The following PPP2R2C variants were observed in gnomAD, a reference collection of about 807,000 sequenced individuals.
The protein encoded by PPP2R2C is protein phosphatase 2, regulatory subunit B, gamma.
PPP2R2C carries 10 observed loss-of-function variants against 45.3 expected under a neutral mutation model. The observed-to-expected ratio is 0.22, with a 90% CI of 0.14 to 0.37. The LOEUF (loss-of-function observed/expected upper bound fraction) is 0.37. PPP2R2C is among the 10% of genes least tolerant of loss of function. The pLI is 1.00. For synonymous variants in PPP2R2C, 257 were observed against 245.4 expected, an observed-to-expected ratio of 1.05 and a Z score of -0.44; for missense variants, 308 against 619.7, an observed-to-expected ratio of 0.50 and a Z score of 5.34.
intron 1 of PPP2R2C, among the ~76,000 whole-genome samples, chr4:6,445,853 G>C (rs902001622): frequency 1.3e-5 from 2 of 152,182 alleles, no homozygotes; most frequent in Admixed American, 6.5e-5. Context: ...GGAGGGCTGG[G>C]GTCCTCAGCC....
chr4:6,509,159 T>C (rs1723342352), intron 2 of PPP2R2C, among the ~76,000 whole-genome samples: 1 of 152,222 alleles, frequency 6.6e-6, no homozygotes, highest in Non-Finnish European at 1.5e-5. Flanking sequence ...TTAAAACAGC[T>C]TGAACTTCTC....
intron 2 of PPP2R2C, among the ~76,000 whole-genome samples, chr4:6,530,855 T>C (rs1052374939): frequency 7.9e-5 from 12 of 152,328 alleles, no homozygotes; most frequent in African/African-American, 2.4e-4. Flanking sequence ...TCTGGCCCTT[T>C]CTACAGGCGC....
rs944341314 is a variant in PPP2R2C, at chr4:6,345,042, C to G, written c.790+2804G>C. Among the ~76,000 whole-genome samples, 3 of 152,182 alleles carry G rather than the reference C, an allele frequency of 2.0e-5. No individual in the cohort carries two copies. The highest frequency in any genetic ancestry group is 6.5e-5 in the Admixed American group (1 of 15,276). ...TCCAGAAAAAGAAACAAAAAGCTGC[C>G]TCACTCATTTCAGAAGAGTTGAATA... is the stretch of plus-strand genomic sequence containing the variant. On this transcript the variant is annotated intron_variant, in intron 6 of 8. Transcript: ENST00000382599. This position sits in a 1 kb window ranked among gnomAD's most constrained non-coding sequence, Gnocchi z 5.3.
upstream of PPP2R2C, among the ~76,000 whole-genome samples, chr4:6,472,663 G>A (rs1183446950): frequency 2.7e-5 from 4 of 149,894 alleles, no homozygotes; most frequent in Admixed American, 6.6e-5. Context: ...CCCCTCCCTC[G>A]CGCCGCCCGC....
intron 1 of PPP2R2C, among the ~76,000 whole-genome samples, chr4:6,557,247 T>C (rs758828648): frequency 2.0e-5 from 3 of 152,198 alleles, no homozygotes; most frequent in Non-Finnish European, 4.4e-5. Context: ...GAACCACTCA[T>C]TGGTGTTATC....
intron 1 of PPP2R2C, among the ~76,000 whole-genome samples, chr4:6,428,182 C>G (rs752444360): frequency 5.3e-5 from 8 of 152,214 alleles, no homozygotes; most frequent in Non-Finnish European, 1.5e-5. Flanking sequence ...AAGATCAAGA[C>G]TGTTTGGTGG....
chr4:6,405,854 G>A lies in PPP2R2C; in HGVS notation c.71-24760C>T, dbSNP rs550047652. ...ACGGCTTCGCGGAGGGGCAGGGGGA[G>A]TCCAGAAAGAAAGGTTTTGTCATCA... On this transcript the variant is annotated intron_variant, in intron 1 of 8. Coordinates refer to ENST00000382599, the MANE Select transcript of PPP2R2C (RefSeq NM_020416.4). 1.1e-3 allele frequency among the ~76,000 whole-genome samples: 166 copies of A among 152,290 alleles called. 1 individual carries two copies. The highest frequency in any genetic ancestry group is 3.9e-3 in the African/African-American group (161 of 41,562).
At chr4:6,534,286 TC>T (rs1055902727) in intron 2 of PPP2R2C, among the ~76,000 whole-genome samples, 2 of 121,594 alleles carry the variant, frequency 1.6e-5, no homozygotes, top group African/African-American at 6.6e-5. Flanking sequence ...CACACACATA[TC>T]CCAACACACA....
At chr4:6,400,309 G>A (rs1396550315) in intron 1 of PPP2R2C, among the ~76,000 whole-genome samples, 3 of 151,990 alleles carry the variant, frequency 2.0e-5, no homozygotes, top group African/African-American at 4.8e-5. Flanking sequence ...TGATACACAC[G>A]CCACTCTTCT....
chr4:6,538,903 G>A (rs1428670344), intron 1 of PPP2R2C, among the ~76,000 whole-genome samples: 1 of 152,182 alleles, frequency 6.6e-6, no homozygotes, highest in East Asian at 1.9e-4. Context: ...CAGAGCAGGT[G>A]CTCCACAAAT....
intron 8 of PPP2R2C, 44 bp from the exon 9 acceptor site, chr4:6,323,637 C>A (rs1323381058): frequency 1.4e-6 from 2 of 1,472,462 alleles, no homozygotes; most frequent in Non-Finnish European, 1.8e-6. Context: ...GAGCACAAGC[C>A]CCTTCTCGAG....
At chr4:6,358,645 C>CAA (rs34448087) in intron 5 of PPP2R2C, among the ~76,000 whole-genome samples, 2 of 151,418 alleles carry the variant, frequency 1.3e-5, no homozygotes, top group African/African-American at 4.9e-5. Flanking sequence ...AACAAATTTA[C>CAA]AAAAAAAAAA....
At chr4:6,561,119 G>C (rs932243432) in intron 1 of PPP2R2C, among the ~76,000 whole-genome samples, 1 of 152,212 alleles carries the variant, frequency 6.6e-6, no homozygotes, top group African/African-American at 2.4e-5. Context: ...GGTACCAACT[G>C]TCTCAACCCC....
chr4:6,391,335 AG>A (rs1220689124), intron 1 of PPP2R2C, among the ~76,000 whole-genome samples: 3 of 150,198 alleles, frequency 2.0e-5, no homozygotes, highest in Non-Finnish European at 3.0e-5. Context: ...AGAGGACACA[AG>A]CAGATGAGGG....
At chr4:6,416,213 C>T (rs1223211859) in intron 1 of PPP2R2C, among the ~76,000 whole-genome samples, 1 of 152,240 alleles carries the variant, frequency 6.6e-6, no homozygotes, top group Non-Finnish European at 1.5e-5. Flanking sequence ...ATCGGCTACC[C>T]GTGTGCCCAG....
intron 5 of PPP2R2C, 147 bp downstream of exon 5, chr4:6,372,376 C>A: frequency 2.5e-6 from 2 of 806,006 alleles, no homozygotes; most frequent in South Asian, 1.8e-5. Context: ...GCCTCACACG[C>A]ATACTAGGAG....
chr4:6,328,853 G>A lies in PPP2R2C; in HGVS notation c.1052+409C>T, dbSNP rs1358435079. Reference sequence around the variant, plus strand: ...TGATGGGAGGAGGGGTGAGTAGACCGATGGTCAAAGCCACAGGGGTGCAGG... The same window carrying A: ...TGATGGGAGGAGGGGTGAGTAGACCAATGGTCAAAGCCACAGGGGTGCAGG... On this transcript the variant is annotated intron_variant, in intron 8 of 8. Coordinates refer to ENST00000382599, the MANE Select transcript of PPP2R2C (RefSeq NM_020416.4). This position sits in a 1 kb window ranked among gnomAD's most constrained non-coding sequence, Gnocchi z 4.4. 6.6e-6 allele frequency among the ~76,000 whole-genome samples: 1 copy of A among 152,190 alleles called. No individual in the cohort carries two copies. The highest frequency in any genetic ancestry group is 2.4e-5 in the African/African-American group (1 of 41,456).
chr4:6,405,158 C>A (rs993384237), intron 1 of PPP2R2C, among the ~76,000 whole-genome samples: 2 of 152,292 alleles, frequency 1.3e-5, no homozygotes, highest in South Asian at 2.1e-4. Context: ...ATTCTCACAG[C>A]CCCCCTGGAA....
rs113277140 is a variant in PPP2R2C at position 6,376,589 on chromosome 4, G to C, written c.335-658C>G. The stretch of plus-strand genomic sequence containing the variant: ...CAATCTCAGCCTCCTGAGTAGCTGG[G>C]ACTACAGGCTCTCACCACCACACCT... On this transcript the variant is annotated intron_variant, in intron 3 of 8. Coordinates refer to ENST00000382599, the MANE Select transcript of PPP2R2C (RefSeq NM_020416.4). Among the ~76,000 whole-genome samples, 1,291 of 152,116 alleles carry C rather than the reference G, an allele frequency of 8.5e-3. 18 individuals are homozygous for C. Among genetic ancestry groups the C allele is most frequent in the African/African-American group, 0.029 (1,189 of 41,500 alleles).
Sources: allele counts gnomAD v4.1 joint callset (sites outside exome capture counted in the v4.1 genomes callset), GRCh38; gene constraint gnomAD v4.1.1; non-coding constraint Gnocchi (gnomAD v3.1); transcripts MANE v1.5; gene names NCBI Gene and HGNC (gene_info 2026-07-23, HGNC 2026-07-21).